The following GARRE1 variants were observed in gnomAD, a reference collection of about 807,000 sequenced individuals.
GARRE1 encodes granule associated Rac and RHOG effector 1.
Under a neutral mutation model 103.2 loss-of-function variants are expected in GARRE1, and 49 were observed. That is an observed-to-expected ratio of 0.47 (90% CI 0.38 to 0.60). GARRE1 has a LOEUF of 0.60. Ranked by LOEUF, GARRE1 falls within the 20% of genes least tolerant of loss-of-function variation. GARRE1 has a pLI of 0.00. For missense variants in GARRE1, 1,199 were observed against 1,370.5 expected, an observed-to-expected ratio of 0.87 and a Z score of 1.98; for synonymous variants, 505 against 532.8, an observed-to-expected ratio of 0.95 and a Z score of 0.72.
intron 1 of GARRE1, among the ~76,000 whole-genome samples, chr19:34,292,288 G>A: frequency 6.6e-6 from 1 of 152,150 alleles, no homozygotes. Context: ...CGTCCATATT[G>A]TAGCATTTAT....
At chr19:34,338,670 T>G (rs914602406) in intron 8 of GARRE1, among the ~76,000 whole-genome samples, 2 of 152,134 alleles carry the variant, frequency 1.3e-5, no homozygotes, top group Admixed American at 1.3e-4. Flanking sequence ...AGAGCAAAGG[T>G]CCTGAGGTGT....
chr19:34,255,012 G>C (rs993728759), intron 1 of GARRE1, among the ~76,000 whole-genome samples: 2 of 151,866 alleles, frequency 1.3e-5, no homozygotes, highest in Admixed American at 1.3e-4. Context: ...GAAGCCCGCG[G>C]AGGGAGGGCG....
At chr19:34,272,108 C>T (rs1452211230) in intron 1 of GARRE1, among the ~76,000 whole-genome samples, 5 of 152,242 alleles carry the variant, frequency 3.3e-5, no homozygotes, top group African/African-American at 4.8e-5. Flanking sequence ...GACAACAGGA[C>T]GGGGACCATC....
chr19:34,353,052 C>G lies in GARRE1; in HGVS notation c.*97C>G. 6.8e-6 allele frequency: 8 copies of G among 1,173,224 alleles called. No individual in the cohort carries two copies. The highest frequency in any genetic ancestry group is 9.4e-6 in the Non-Finnish European group (8 of 851,060). The allele number at this position is 1,173,224 out of a possible 1,614,324, so 72.7% of individuals were successfully genotyped here. A position where few individuals can be genotyped will look rare whatever the true frequency, so the allele number is the denominator to read the frequency against. On this transcript the variant is annotated 3_prime_UTR_variant, in exon 14 of 14. Coordinates refer to ENST00000299505, the MANE Select transcript of GARRE1 (RefSeq NM_014686.5). ...AGGGCCACTTAGCTGACACCAGCCC[C>G]TCAGAGGACCAGTGCGCCCCATCCC...
At chr19:34,302,003 T>C (rs2073981984) in intron 2 of GARRE1, among the ~76,000 whole-genome samples, 1 of 137,408 alleles carries the variant, frequency 7.3e-6, no homozygotes, top group African/African-American at 2.8e-5. Context: ...TTTTTTTTTT[T>C]TTTTTTAAGT....
At chr19:34,263,706 C>T (rs1281676142) in intron 1 of GARRE1, among the ~76,000 whole-genome samples, 3 of 152,124 alleles carry the variant, frequency 2.0e-5, no homozygotes, top group Admixed American at 6.6e-5. Flanking sequence ...AGGTTGGTCT[C>T]GAACTCCTGA....
chr19:34,342,608 C>G (rs1313272037), intron 10 of GARRE1, among the ~76,000 whole-genome samples, 153 bp downstream of exon 10: 1 of 152,072 alleles, frequency 6.6e-6, no homozygotes, highest in African/African-American at 2.4e-5. Flanking sequence ...AAGTATGGGG[C>G]AGATCTACCA....
intron 2 of GARRE1, among the ~76,000 whole-genome samples, chr19:34,313,439 CTG>C (rs1450380772): frequency 6.6e-6 from 1 of 152,206 alleles, no homozygotes; most frequent in African/African-American, 2.4e-5. Flanking sequence ...ACTTGGAACA[CTG>C]TGCAGATACA....
intron 1 of GARRE1, among the ~76,000 whole-genome samples, chr19:34,278,624 C>G (rs550051980): frequency 2.6e-5 from 4 of 152,068 alleles, no homozygotes; most frequent in Admixed American, 1.3e-4. Flanking sequence ...GGCATCTTAG[C>G]AGAGTATCTC....
chr19:34,298,592 C>T lies in GARRE1; in HGVS notation c.-795-1087C>T, dbSNP rs984651314. On this transcript the variant is annotated intron_variant, in intron 1 of 13. Transcript: ENST00000299505. ...GCCAGGCATGGTGGGCGCTTGTAATCCCAGCTACTCAGGAGGCTGAGGCAG... is the reference window on the plus strand; with the variant it reads ...GCCAGGCATGGTGGGCGCTTGTAATTCCAGCTACTCAGGAGGCTGAGGCAG... 2.6e-4 allele frequency among the ~76,000 whole-genome samples: 40 copies of T among 151,876 alleles called. 1 individual carries two copies. Among genetic ancestry groups the T allele is most frequent in the African/African-American group, 8.7e-4 (36 of 41,382 alleles).
intron 1 of GARRE1, among the ~76,000 whole-genome samples, chr19:34,295,014 A>T (rs2073939672): frequency 6.6e-6 from 1 of 152,204 alleles, no homozygotes; most frequent in African/African-American, 2.4e-5. Flanking sequence ...GGCAACTCTG[A>T]AAATCAGATT....
chr19:34,321,677 C>T (rs577895332), intron 3 of GARRE1, among the ~76,000 whole-genome samples: 16 of 152,192 alleles, frequency 1.1e-4, no homozygotes, highest in South Asian at 1.0e-3. Context: ...AGGGTTTCAC[C>T]GTCTTGGCCA....
intron 1 of GARRE1, among the ~76,000 whole-genome samples, chr19:34,297,056 G>A (rs1599761073): frequency 6.6e-6 from 1 of 152,204 alleles, no homozygotes; most frequent in African/African-American, 2.4e-5. Flanking sequence ...GGAGGCCGAG[G>A]TGGGTGGATC....
intron 2 of GARRE1, among the ~76,000 whole-genome samples, chr19:34,310,748 TG>T (rs1306534278): frequency 6.6e-6 from 1 of 152,136 alleles, no homozygotes; most frequent in Non-Finnish European, 1.5e-5. Context: ...GTGATGCAGA[TG>T]GAAAATAGCC....
At position 34,300,718 on chromosome 19, in the gene GARRE1, A is replaced by G. The variant is rs780217364; in HGVS notation, c.245A>G (p.Lys82Arg). Residue 82 changes from lysine (K) to arginine (R), a missense_variant, in exon 2 of 14, where the codon AAG (lysine) becomes AGG (arginine). Lys to Arg is a conservative substitution (Grantham distance 26). Transcript: ENST00000299505. ...PIADIQQGISKYLDALNVFCR... is the reference protein window; with the variant it reads ...PIADIQQGISRYLDALNVFCR... The stretch of plus-strand genomic sequence containing the variant: ...GCCGACATCCAGCAGGGCATCTCCA[A>G]GTATCTGGATGCCCTGAACGTCTTC... 1 of 1,614,194 alleles carries G rather than the reference A, an allele frequency of 6.2e-7. No homozygotes were observed. The highest frequency in any genetic ancestry group is 8.5e-7 in the Non-Finnish European group (1 of 1,180,030).
chr19:34,314,572 C>T (rs1341804083), intron 2 of GARRE1, among the ~76,000 whole-genome samples: 4 of 152,266 alleles, frequency 2.6e-5, no homozygotes, highest in Admixed American at 2.6e-4. Flanking sequence ...TTATTTTCAC[C>T]AGCAGTGAAG....
intron 1 of GARRE1, among the ~76,000 whole-genome samples, chr19:34,292,105 G>A (rs1055328839): frequency 6.6e-6 from 1 of 152,046 alleles, no homozygotes; most frequent in Non-Finnish European, 1.5e-5. Context: ...CAAGTGATCT[G>A]CCCCCCTTGG....
At position 34,347,929 on chromosome 19, in the gene GARRE1, G is replaced by A; in HGVS notation, c.2574G>A (p.Met858Ile). 1.3e-6 allele frequency: 2 copies of A among 1,593,910 alleles called. No homozygotes were observed. Among genetic ancestry groups the A allele is most frequent in the African/African-American group, 1.3e-5 (1 of 74,278 alleles). Residue 858 changes from methionine to isoleucine, a missense_variant, in exon 11 of 14, where the codon ATG becomes ATA. Transcript: ENST00000299505. ...ATGTGGCAGGAGTGAGCCAGGCGAT[G>A]CAGCAGAAGCGGCAGGCCCAGCACG... Reference protein sequence around the residue: ...ARYVAGVSQAMQQKRQAQHGR... With the variant: ...ARYVAGVSQAIQQKRQAQHGR...
At chr19:34,309,686 T>A (rs964221088) in intron 2 of GARRE1, among the ~76,000 whole-genome samples, 1 of 152,188 alleles carries the variant, frequency 6.6e-6, no homozygotes, top group African/African-American at 2.4e-5. Flanking sequence ...TGTTATGTTC[T>A]GCTTTTGTGT....
Sources: allele counts gnomAD v4.1 joint callset (sites outside exome capture counted in the v4.1 genomes callset), GRCh38; gene constraint gnomAD v4.1.1; transcripts MANE v1.5; gene names NCBI Gene and HGNC (gene_info 2026-07-23, HGNC 2026-07-21).